FBXL17: variants seen among roughly 807,000 people sequenced by gnomAD.
FBXL17 encodes F-box/LRR-repeat protein 17.
FBXL17 carries 22 observed loss-of-function variants against 66.2 expected under a neutral mutation model. The observed-to-expected ratio is 0.33, with a 90% CI of 0.24 to 0.47. FBXL17 has a LOEUF of 0.47. FBXL17 is among the 20% of genes least tolerant of loss of function. The pLI is 1.00. For missense variants in FBXL17, 878 were observed against 948.2 expected, an observed-to-expected ratio of 0.93 and a Z score of 0.97; for synonymous variants, 474 against 400.5, an observed-to-expected ratio of 1.18 and a Z score of -2.19.
chr5:108,232,841 T>C (rs1755426526), intron 4 of FBXL17, among the ~76,000 whole-genome samples: 1 of 140,388 alleles, frequency 7.1e-6, no homozygotes, highest in Non-Finnish European at 1.5e-5. Context: ...TAGGGATCCC[T>C]GACTAACACA....
At position 108,193,217 on chromosome 5, in the gene FBXL17, C is replaced by T. The variant is rs528865384; in HGVS notation, c.1615-6970G>A. Reference sequence around the variant, plus strand: ...AGGGGTTGCTGGGCATAGATTAGCACGACACACTAATCCGCCAAACAGCTG... The same window carrying T: ...AGGGGTTGCTGGGCATAGATTAGCATGACACACTAATCCGCCAAACAGCTG... On this transcript the variant is annotated intron_variant, in intron 5 of 8. Coordinates refer to ENST00000542267, the MANE Select transcript of FBXL17 (RefSeq NM_001163315.3). Among the ~76,000 whole-genome samples, 317 of 152,172 alleles carry T rather than the reference C, an allele frequency of 2.1e-3. 1 individual carries two copies. The highest frequency in any genetic ancestry group is 3.4e-3 in the Middle Eastern group (1 of 294).
chr5:108,371,684 T>C (rs1342347441), intron 1 of FBXL17, among the ~76,000 whole-genome samples: 3 of 151,916 alleles, frequency 2.0e-5, no homozygotes, highest in African/African-American at 2.4e-5. Flanking sequence ...GAGAACCAAA[T>C]AGAAATGTCT....
intron 4 of FBXL17, among the ~76,000 whole-genome samples, chr5:108,308,829 T>C (rs180990245): frequency 1.3e-5 from 2 of 152,248 alleles, no homozygotes; most frequent in East Asian, 1.9e-4. Context: ...GGCTAACATA[T>C]GGTTTAGAAT....
chr5:107,996,732 G>T (rs1038945395), intron 7 of FBXL17, among the ~76,000 whole-genome samples: 2 of 152,156 alleles, frequency 1.3e-5, no homozygotes, highest in Non-Finnish European at 2.9e-5. Flanking sequence ...TTACAGTGAA[G>T]AAACTGAGAT....
At chr5:108,135,258 C>T (rs774739909) in intron 6 of FBXL17, among the ~76,000 whole-genome samples, 3 of 151,976 alleles carry the variant, frequency 2.0e-5, no homozygotes, top group Non-Finnish European at 4.4e-5. Context: ...GGGCTAAGAC[C>T]CACAAAACAC....
intron 7 of FBXL17, 137 bp from the exon 8 acceptor site, chr5:107,881,316 C>T (rs2112501660): frequency 1.9e-6 from 1 of 532,416 alleles, no homozygotes; most frequent in Non-Finnish European, 3.3e-6. Flanking sequence ...ATAAACTAAA[C>T]TAAATTTGAA....
intron 4 of FBXL17, among the ~76,000 whole-genome samples, chr5:108,315,478 G>C (rs1399630438): frequency 6.6e-6 from 1 of 151,110 alleles, no homozygotes; most frequent in Non-Finnish European, 1.5e-5. Flanking sequence ...CAAAATATTT[G>C]TGTCAATAAA....
chr5:108,135,803 A>G (rs1751110599), intron 6 of FBXL17, among the ~76,000 whole-genome samples: 1 of 152,174 alleles, frequency 6.6e-6, no homozygotes, highest in African/African-American at 2.4e-5. Flanking sequence ...TAAACTTTAT[A>G]ATAAGTTGGA....
chr5:108,158,745 C>T (rs1752094663), intron 6 of FBXL17, among the ~76,000 whole-genome samples: 1 of 152,114 alleles, frequency 6.6e-6, no homozygotes, highest in Non-Finnish European at 1.5e-5. Context: ...ACTGATTATG[C>T]AGATAAGTGG....
At chr5:108,016,781 TC>T (rs1395934983) in intron 7 of FBXL17, among the ~76,000 whole-genome samples, 39 of 126,320 alleles carry the variant, frequency 3.1e-4, no homozygotes, top group Admixed American at 2.9e-3. Flanking sequence ...TTTCTTTCTT[TC>T]TTTCTTTTTT....
intron 6 of FBXL17, 40 bp from the exon 7 acceptor site, chr5:108,021,041 G>C (rs1754578974): frequency 1.7e-5 from 25 of 1,440,976 alleles, no homozygotes; most frequent in Non-Finnish European, 2.4e-5. Flanking sequence ...TGCGTTTCAA[G>C]TTAAATTAGC....
chr5:108,084,338 G>T (rs1017863589), intron 6 of FBXL17, among the ~76,000 whole-genome samples: 2 of 152,186 alleles, frequency 1.3e-5, no homozygotes, highest in African/African-American at 4.8e-5. Context: ...TTCTGTCTTG[G>T]CAAAAGGAAG....
At chr5:108,339,914 T>A (rs1266370091) in intron 4 of FBXL17, among the ~76,000 whole-genome samples, 5 of 152,254 alleles carry the variant, frequency 3.3e-5, no homozygotes, top group African/African-American at 9.6e-5. Context: ...AATTTTAATA[T>A]TGCTAAACTA....
At chr5:107,905,832 A>G (rs894088036) in intron 7 of FBXL17, among the ~76,000 whole-genome samples, 2 of 152,146 alleles carry the variant, frequency 1.3e-5, no homozygotes, top group African/African-American at 2.4e-5. Context: ...TATATGTTTC[A>G]CATTTTCTCT....
At chr5:108,081,797 C>T (rs1281994029) in intron 6 of FBXL17, among the ~76,000 whole-genome samples, 1 of 152,152 alleles carries the variant, frequency 6.6e-6, no homozygotes, top group Non-Finnish European at 1.5e-5. Context: ...ATTATTCAAG[C>T]TTTGCTTCAC....
rs1466034116 is a variant in FBXL17 at position 108,186,109 on chromosome 5, A to G, written c.1745+8T>C. The G allele has an allele frequency of 3.7e-6, 6 of 1,604,088 alleles. No homozygotes were observed. Among genetic ancestry groups the G allele is most frequent in the Admixed American group, 1.7e-5 (1 of 59,244 alleles). ...AGAAAAGTATTTTTAACATGTTACA[A>G]TGGTTACCTGTCATTTATGATCCAG... On this transcript the variant is annotated splice_region_variant and intron_variant, in intron 6 of 8. Coordinates refer to ENST00000542267, the MANE Select transcript of FBXL17 (RefSeq NM_001163315.3).
chr5:107,859,532 A>C lies in FBXL17; in HGVS notation c.*2188T>G, dbSNP rs1442415056. ...TTCTGGATTAGTCAACATTTTAGAGAATAAGTGCAAGTCCCCACCCCACCC... is the reference window on the plus strand; with the variant it reads ...TTCTGGATTAGTCAACATTTTAGAGCATAAGTGCAAGTCCCCACCCCACCC... On this transcript the variant is annotated 3_prime_UTR_variant, in exon 9 of 9. Coordinates refer to ENST00000542267, the MANE Select transcript of FBXL17 (RefSeq NM_001163315.3). 6.6e-6 allele frequency: 1 copy of C among 151,212 alleles called. No homozygotes were observed. Among genetic ancestry groups the C allele is most frequent in the Non-Finnish European group, 1.5e-5 (1 of 67,882 alleles). 9.4% of individuals were successfully genotyped at this position (151,212 alleles called of 1,614,324 possible).
At chr5:107,956,510 C>G (rs1295065467) in intron 7 of FBXL17, among the ~76,000 whole-genome samples, 3 of 152,144 alleles carry the variant, frequency 2.0e-5, no homozygotes, top group Non-Finnish European at 2.9e-5. Context: ...CCTTTATAAT[C>G]TAACTTTGGG....
intron 5 of FBXL17, among the ~76,000 whole-genome samples, chr5:108,222,220 A>T (rs189736942): frequency 1.3e-5 from 2 of 152,316 alleles, no homozygotes; most frequent in Non-Finnish European, 2.9e-5. Context: ...GGAAGCACTT[A>T]CTGATCTAAT....
Sources: allele counts gnomAD v4.1 joint callset (sites outside exome capture counted in the v4.1 genomes callset), GRCh38; gene constraint gnomAD v4.1.1; transcripts MANE v1.5; gene names NCBI Gene and HGNC (gene_info 2026-07-23, HGNC 2026-07-21).